Variants in PRDM1 observed in about 807,000 individuals in gnomAD.
The protein encoded by PRDM1 is PR/SET domain 1.
PRDM1 carries 13 observed loss-of-function variants against 62.8 expected under a neutral mutation model. The ratio of observed to expected loss-of-function variants is 0.21; its 90% confidence interval spans 0.13 to 0.33. The LOEUF is 0.33. Among genes scored for constraint, PRDM1 ranks in the 10% least tolerant of loss-of-function variants. The pLI is 1.00. For synonymous variants in PRDM1, 396 were observed against 417.6 expected (o/e 0.95, Z 0.63); for missense variants, 895 against 1,058.8 (o/e 0.85, Z 2.15).
intron 1 of PRDM1, among the ~76,000 whole-genome samples, chr6:106,006,366 G>A (rs1259779587): frequency 6.6e-6 from 1 of 152,166 alleles, no homozygotes; most frequent in Non-Finnish European, 1.5e-5. Context: ...AAGGAAAGAA[G>A]CAGCTCTGTT....
chr6:106,092,486 T>C (rs1773992313), intron 2 of PRDM1, among the ~76,000 whole-genome samples: 1 of 152,232 alleles, frequency 6.6e-6, no homozygotes, highest in Admixed American at 6.5e-5. Flanking sequence ...CCCTGGTCAG[T>C]TCCAGTGAAG....
At chr6:106,018,267 A>G (rs1772649437) in intron 1 of PRDM1, among the ~76,000 whole-genome samples, 1 of 152,234 alleles carries the variant, frequency 6.6e-6, no homozygotes, top group Non-Finnish European at 1.5e-5. Context: ...TGTTAATATA[A>G]TAATTTATAG....
intron 2 of PRDM1, among the ~76,000 whole-genome samples, chr6:106,091,636 C>T (rs912778945): frequency 2.0e-5 from 3 of 152,006 alleles, no homozygotes; most frequent in Non-Finnish European, 4.4e-5. Flanking sequence ...AAAAATTAGC[C>T]GGGCGTGGTG....
At chr6:106,036,042 A>G (rs1436531904) in intron 1 of PRDM1, among the ~76,000 whole-genome samples, 1 of 152,060 alleles carries the variant, frequency 6.6e-6, no homozygotes, top group Non-Finnish European at 1.5e-5. Context: ...TGCTGTGATT[A>G]CAGGCGTGAG....
rs1774497411 is a variant in PRDM1 at position 106,106,564 on chromosome 6, A to G, written c.1902+65A>G. 6.3e-7 allele frequency: 1 copy of G among 1,596,448 alleles called. No individual in the cohort carries two copies. On this transcript the variant is annotated intron_variant, in intron 6 of 6. Transcript: ENST00000369096. The surrounding 1 kb of genome is among the most constrained non-coding windows in gnomAD (Gnocchi z 4.4). ...GAAAATGTCTGTGAGTCACCCTCCCATGTCCTATATAGCCCGTAGTTAAAG... is the reference window on the plus strand; with the variant it reads ...GAAAATGTCTGTGAGTCACCCTCCCGTGTCCTATATAGCCCGTAGTTAAAG...
chr6:106,088,489 G>T (rs558714572), intron 2 of PRDM1, 40 bp downstream of exon 2: 1 of 1,612,204 alleles, frequency 6.2e-7, no homozygotes, highest in Admixed American at 1.7e-5. Context: ...TGGGGACCTG[G>T]TGCCAAATCT....
In PRDM1 at chr6:106,099,432, A is replaced by G; in HGVS notation, c.544A>G (p.Ile182Val). The change falls in exon 4 of 7, where the codon ATC becomes GTC. Residue 182 changes from isoleucine (I) to valine (V), a missense_variant. Around this residue, in one of 4 missense-constraint regions of PRDM1, gnomAD observed 213 missense variants for 283.9 expected, o/e 0.75. Transcript: ENST00000369096. The part of the protein sequence containing the change: ...NLAACQNGMN[I>V]YFYTIKPIPA... ...GGCTGCGTGTCAGAACGGGATGAAC[A>G]TCTACTTCTACACCATTAAGCCCAT... 2 of 1,614,210 alleles carry G rather than the reference A, an allele frequency of 1.2e-6. No homozygotes were observed. Among genetic ancestry groups the G allele is most frequent in the East Asian group, 2.2e-5 (1 of 44,886 alleles).
At chr6:106,057,674 A>G (rs1388769268) in intron 1 of PRDM1, among the ~76,000 whole-genome samples, 1 of 152,234 alleles carries the variant, frequency 6.6e-6, no homozygotes, top group Non-Finnish European at 1.5e-5. Flanking sequence ...CATGTCAAAG[A>G]GCCATTTTTA....
upstream of PRDM1, among the ~76,000 whole-genome samples, chr6:106,085,042 G>T (rs771139417): frequency 3.9e-5 from 6 of 152,278 alleles, 1 homozygote; most frequent in South Asian, 1.0e-3. Flanking sequence ...AGTGAGAAAA[G>T]AAATTTTAAA....
At position 106,107,328 on chromosome 6, in the gene PRDM1, G is replaced by A; in HGVS notation, c.2320G>A (p.Val774Met). ...RKEKEETGLK[V>M]SLQRNMGNGL... ...AGAGAAAGAAGAAACTGGCCTGAAA[G>A]TGTCTTTGCAAAGAAACATGGGGAA... Residue 774 changes from valine to methionine, a missense_variant, in exon 7 of 7, where the codon GTG (valine) becomes ATG (methionine). Physicochemically the swap from Val to Met is conservative, Grantham distance 21. Around this residue, in one of 4 missense-constraint regions of PRDM1, gnomAD observed 164 missense variants for 179.9 expected, o/e 0.91. Coordinates refer to ENST00000369096, the MANE Select transcript of PRDM1 (RefSeq NM_001198.4). The A allele has an allele frequency of 6.2e-7, 1 of 1,614,140 alleles. No homozygotes were observed. Among genetic ancestry groups the A allele is most frequent in the African/African-American group, 1.3e-5 (1 of 75,004 alleles).
Position 106,109,293 on chromosome 6 carries a change from T to A in PRDM1, c.*1807T>A, listed in dbSNP as rs1774616783. On this transcript the variant is annotated 3_prime_UTR_variant, in exon 7 of 7. Coordinates refer to ENST00000369096, the MANE Select transcript of PRDM1 (RefSeq NM_001198.4). ...AGTATTAAGGACCATCTAAGACAGC[T>A]CTATTTTTTTTTTGCCACTTTATGA... 1 of 232,472 alleles carries A rather than the reference T, an allele frequency of 4.3e-6. No homozygotes were observed. Among genetic ancestry groups the A allele is most frequent in the Admixed American group, 5.6e-5 (1 of 17,736 alleles). 14.4% of individuals were successfully genotyped at this position (232,472 alleles called of 1,614,324 possible).
chr6:106,057,398 A>G (rs1773282940), intron 1 of PRDM1, among the ~76,000 whole-genome samples: 1 of 152,224 alleles, frequency 6.6e-6, no homozygotes, highest in Non-Finnish European at 1.5e-5. Flanking sequence ...TCCACCTGCC[A>G]GATATATTCA....
chr6:106,069,699 T>G (rs538146290), intron 1 of PRDM1, among the ~76,000 whole-genome samples: 2 of 152,352 alleles, frequency 1.3e-5, no homozygotes, highest in Admixed American at 1.3e-4. Flanking sequence ...ATACAGTCTG[T>G]TCTTCCAGCA....
chr6:106,032,152 A>G (rs1220669790), intron 1 of PRDM1, among the ~76,000 whole-genome samples: 1 of 151,884 alleles, frequency 6.6e-6, no homozygotes, highest in African/African-American at 2.4e-5. Context: ...TAAAATAGCT[A>G]GGCATATTAA....
intron 1 of PRDM1, among the ~76,000 whole-genome samples, chr6:106,022,344 A>G (rs1363900440): frequency 6.6e-6 from 1 of 152,054 alleles, no homozygotes; most frequent in Non-Finnish European, 1.5e-5. Context: ...ACAGCCTCCA[A>G]TTCCTGGGCT....
rs1018141207 is a variant in PRDM1, at chr6:106,095,643, T to C, written c.320T>C (p.Ile107Thr). The change falls in exon 3 of 7, where the codon ATA becomes ACA. Residue 107 changes from isoleucine to threonine, a missense_variant. Ile to Thr is a moderately conservative substitution (Grantham distance 89). Transcript: ENST00000369096. Reference sequence around the variant, plus strand: ...ATTGGAGTGATGAGTAAAGAATACATACCAAAGGGCACACGTTTTGGACCC... The same window carrying C: ...ATTGGAGTGATGAGTAAAGAATACACACCAAAGGGCACACGTTTTGGACCC... ...EVIGVMSKEYIPKGTRFGPLI... is the reference protein window; with the variant it reads ...EVIGVMSKEYTPKGTRFGPLI... 1.9e-6 allele frequency: 3 copies of C among 1,613,980 alleles called. No individual in the cohort carries two copies. In the African/African-American group the frequency reaches 4.0e-5, roughly 22 times the overall value.
At chr6:106,102,975 C>T (rs1582475428) in intron 4 of PRDM1, among the ~76,000 whole-genome samples, 1 of 152,158 alleles carries the variant, frequency 6.6e-6, no homozygotes, top group Admixed American at 6.5e-5. Context: ...TCTTTCTCAT[C>T]CTTTACCATT....
At position 106,105,356 on chromosome 6, in the gene PRDM1, C is replaced by T. The variant is rs757085537; in HGVS notation, c.1196C>T (p.Pro399Leu). 1.9e-6 allele frequency: 3 copies of T among 1,613,486 alleles called. No homozygotes were observed. The highest frequency in any genetic ancestry group is 1.1e-5 in the South Asian group (1 of 91,036). ...YPGYAPLPHL[P>L]PAFIPSYNAH... ...GGCTACGCACCCCTGCCCCACCTCC[C>T]GCCAGCTTTCATCCCCTCGTACAAC... The change falls in exon 5 of 7, where the codon CCG (proline) becomes CTG (leucine). Residue 399 changes from proline (P) to leucine (L), a missense_variant. By Grantham distance (98) the Pro-to-Leu change is moderately conservative. Transcript: ENST00000369096.
At chr6:106,086,222 C>A, upstream of PRDM1, 1 of 366,498 alleles carries the variant, frequency 2.7e-6, no homozygotes, top group East Asian at 4.1e-5. Context: ...TGCTAGCAAT[C>A]TGGGGGAAAG....
Sources: gnomAD v4.1 joint callset for allele counts (sites outside exome capture counted in the v4.1 genomes callset) on GRCh38, gnomAD v4.1.1 for gene constraint, gnomAD v4.1.1 regional missense constraint, Gnocchi (gnomAD v3.1) non-coding constraint, MANE v1.5 for transcripts, NCBI Gene and HGNC (gene_info 2026-07-23, HGNC 2026-07-21) for gene names.